The following FBN1 variants were observed in gnomAD, a reference collection of about 807,000 sequenced individuals.
FBN1 encodes the protein fibrillin 1.
A neutral mutation model predicts 365.1 loss-of-function variants in FBN1; 29 were observed. That is an observed-to-expected ratio of 0.08 (90% CI 0.06 to 0.11). The LOEUF (loss-of-function observed/expected upper bound fraction) is 0.11, where lower values mean the gene tolerates loss of function less well. FBN1 is among the 10% of genes least tolerant of loss of function. The pLI is 1.00. For synonymous variants in FBN1, 1,210 were observed against 1,270.5 expected (o/e 0.95, Z 1.01); for missense variants, 2,476 against 3,703.2 (o/e 0.67, Z 8.60).
chr15:48,500,655 C>G (rs974673587), intron 17 of FBN1, among the ~76,000 whole-genome samples: 1 of 152,178 alleles, frequency 6.6e-6, no homozygotes, highest in Admixed American at 6.5e-5. Context: ...GCCATGGAGA[C>G]AGTGACATGA....
intron 6 of FBN1, among the ~76,000 whole-genome samples, chr15:48,558,924 C>T (rs1056277515): frequency 2.0e-5 from 3 of 152,182 alleles, no homozygotes; most frequent in South Asian, 4.1e-4. Context: ...AGAGAAATCC[C>T]ACTTACCTGA....
At chr15:48,607,522 C>T (rs2044623629) in intron 4 of FBN1, among the ~76,000 whole-genome samples, 1 of 118,036 alleles carries the variant, frequency 8.5e-6, no homozygotes, top group Admixed American at 7.6e-5. Context: ...GGATTAGTAT[C>T]CTTATAAAAA....
intron 9 of FBN1, among the ~76,000 whole-genome samples, chr15:48,523,252 A>G (rs1014566413): frequency 6.6e-6 from 1 of 152,260 alleles, no homozygotes; most frequent in Non-Finnish European, 1.5e-5. Context: ...AATTTTCAGC[A>G]TGGGCTATCT....
chr15:48,511,499 C>G (rs1159744070), intron 13 of FBN1, among the ~76,000 whole-genome samples: 1 of 151,706 alleles, frequency 6.6e-6, no homozygotes, highest in Non-Finnish European at 1.5e-5. Context: ...TCATATTTTT[C>G]TCTCTTCCTC....
intron 63 of FBN1, among the ~76,000 whole-genome samples, chr15:48,419,155 A>G (rs905380663): frequency 6.6e-6 from 1 of 152,166 alleles, no homozygotes; most frequent in Non-Finnish European, 1.5e-5. Context: ...TGATGAGAGC[A>G]ATTTGGCATT....
intron 6 of FBN1, among the ~76,000 whole-genome samples, chr15:48,568,951 A>T (rs1043164155): frequency 6.6e-6 from 1 of 152,126 alleles, no homozygotes; most frequent in Non-Finnish European, 1.5e-5. Context: ...TAGATAAAAT[A>T]TCAGAAGCAC....
At chr15:48,546,711 T>G (rs1035860780) in intron 6 of FBN1, among the ~76,000 whole-genome samples, 2 of 151,674 alleles carry the variant, frequency 1.3e-5, no homozygotes, top group Non-Finnish European at 2.9e-5. Flanking sequence ...GGCTCAGGAG[T>G]TGAAATGGAA....
intron 4 of FBN1, among the ~76,000 whole-genome samples, chr15:48,606,220 T>G (rs1304094868): frequency 6.6e-6 from 1 of 152,202 alleles, no homozygotes; most frequent in Non-Finnish European, 1.5e-5. Context: ...AAATTGCATT[T>G]CTGTGTATTT....
chr15:48,429,546 G>T (rs1170862183), intron 56 of FBN1, among the ~76,000 whole-genome samples: 1 of 152,174 alleles, frequency 6.6e-6, no homozygotes, highest in Non-Finnish European at 1.5e-5. Context: ...AAAGTTGGAA[G>T]GTGAATCCAG....
intron 2 of FBN1, among the ~76,000 whole-genome samples, chr15:48,637,769 C>A (rs1227116643): frequency 6.6e-6 from 1 of 152,194 alleles, no homozygotes; most frequent in Non-Finnish European, 1.5e-5. Context: ...CAAGCAAGAT[C>A]TCTGCCTTCA....
intron 62 of FBN1, 147 bp downstream of exon 62, chr15:48,421,411 C>T: frequency 1.1e-6 from 1 of 890,088 alleles, no homozygotes; most frequent in Non-Finnish European, 1.8e-6. Flanking sequence ...CTCTAAGATA[C>T]AGGACCTGTG....
At chr15:48,531,090 A>G (rs567252790) in intron 8 of FBN1, among the ~76,000 whole-genome samples, 1 of 141,938 alleles carries the variant, frequency 7.0e-6, no homozygotes, top group Non-Finnish European at 1.5e-5. Context: ...TCAACAAAGA[A>G]GGTGGGCATG....
chr15:48,421,426 C>G, intron 62 of FBN1, 132 bp downstream of exon 62: 1 of 1,068,852 alleles, frequency 9.4e-7, no homozygotes, highest in Non-Finnish European at 1.4e-6. Flanking sequence ...CCTGTGCACA[C>G]TATTTTAGCT....
At chr15:48,461,642 G>A (rs1161823148) in intron 42 of FBN1, among the ~76,000 whole-genome samples, 1 of 152,110 alleles carries the variant, frequency 6.6e-6, no homozygotes, top group Non-Finnish European at 1.5e-5. Flanking sequence ...CAACAGGTAA[G>A]TACCACCTAA....
chr15:48,544,829 T>C (rs569159130), intron 6 of FBN1, among the ~76,000 whole-genome samples: 1 of 152,340 alleles, frequency 6.6e-6, no homozygotes, highest in South Asian at 2.1e-4. Flanking sequence ...TTCATCTTCC[T>C]GTAAAGTTAT....
intron 2 of FBN1, chr15:48,641,044 C>T (rs1009887227): frequency 1.1e-4 from 16 of 151,864 alleles, no homozygotes; most frequent in African/African-American, 3.9e-4. Flanking sequence ...AAGCAATGCC[C>T]AAGGAAAAGA....
chr15:48,577,078 T>C (rs1365311256), intron 6 of FBN1, among the ~76,000 whole-genome samples: 1 of 152,192 alleles, frequency 6.6e-6, no homozygotes, highest in East Asian at 1.9e-4. Flanking sequence ...AGCCTTTTTT[T>C]CTGATGCCCA....
At chr15:48,477,657 A>G (rs1362956102) in intron 32 of FBN1, among the ~76,000 whole-genome samples, 1 of 152,206 alleles carries the variant, frequency 6.6e-6, no homozygotes, top group Non-Finnish European at 1.5e-5. Flanking sequence ...TGCTGTATTG[A>G]AACACTCTTC....
intron 44 of FBN1, among the ~76,000 whole-genome samples, chr15:48,454,839 G>A (rs1002086816): frequency 6.6e-6 from 1 of 152,220 alleles, no homozygotes; most frequent in African/African-American, 2.4e-5. Flanking sequence ...ACAGACACAG[G>A]AGCAGGAGTG....
Sources: allele counts gnomAD v4.1 joint callset (sites outside exome capture counted in the v4.1 genomes callset), GRCh38; gene constraint gnomAD v4.1.1; transcripts MANE v1.5; gene names NCBI Gene and HGNC (gene_info 2026-07-23, HGNC 2026-07-21).